The following SGCZ variants were observed in gnomAD, a reference collection of about 807,000 sequenced individuals.
The protein encoded by SGCZ is sarcoglycan zeta, also known as zeta-sarcoglycan.
SGCZ carries 40 observed loss-of-function variants against 41.3 expected under a neutral mutation model. That is an observed-to-expected ratio of 0.97 (90% CI 0.75 to 1.26). SGCZ has a LOEUF of 1.26. Among genes scored for constraint, SGCZ ranks in the 50% most tolerant of loss-of-function variants. The probability of loss-of-function intolerance (pLI) is 0.00; values close to 1 mark genes in which losing one functional copy is unlikely to be tolerated. For synonymous variants in SGCZ, 206 were observed against 137.5 expected (o/e 1.50, Z -3.49); for missense variants, 552 against 369.8 (o/e 1.49, Z -4.04).
intron 4 of SGCZ, among the ~76,000 whole-genome samples, chr8:14,190,171 C>A (rs945856722): frequency 6.6e-6 from 1 of 151,676 alleles, no homozygotes; most frequent in Non-Finnish European, 1.5e-5. Flanking sequence ...CGCCACCACG[C>A]CCGGCTAATT....
At chr8:15,004,997 T>C (rs1802552680) in intron 1 of SGCZ, among the ~76,000 whole-genome samples, 1 of 152,192 alleles carries the variant, frequency 6.6e-6, no homozygotes, top group African/African-American at 2.4e-5. Flanking sequence ...AAATTGATAC[T>C]GATGTATGCA....
rs61034936 is a variant in SGCZ at position 14,500,441 on chromosome 8, C to CT, written c.234+54290dup. On this transcript the variant is annotated intron_variant, in intron 2 of 7. Coordinates refer to ENST00000382080, the MANE Select transcript of SGCZ (RefSeq NM_139167.4). ...AAACAAAAGTTTGTCTTTCCAGTTA[C>CT]TTTTTTTTTTTTACTATTCATTAGA... 6.3e-3 allele frequency among the ~76,000 whole-genome samples: 933 copies of CT among 147,562 alleles called. 7 individuals carry two copies. The highest frequency in any genetic ancestry group is 0.021 in the African/African-American group (842 of 39,958).
intron 2 of SGCZ, among the ~76,000 whole-genome samples, chr8:14,382,839 A>G (rs948342939): frequency 3.9e-5 from 6 of 152,212 alleles, no homozygotes; most frequent in Non-Finnish European, 7.3e-5. Flanking sequence ...GAACAAATTC[A>G]AACCAAACTG....
At chr8:14,699,420 T>C (rs1809066201) in intron 1 of SGCZ, among the ~76,000 whole-genome samples, 1 of 151,678 alleles carries the variant, frequency 6.6e-6, no homozygotes, top group Non-Finnish European at 1.5e-5. Context: ...CCATATGCAG[T>C]AGATTGAAAC....
chr8:14,204,470 G>A (rs1009370400), intron 4 of SGCZ, among the ~76,000 whole-genome samples: 1 of 152,084 alleles, frequency 6.6e-6, no homozygotes, highest in Non-Finnish European at 1.5e-5. Context: ...TTGTTGACCT[G>A]CCTTGAAGCA....
intron 1 of SGCZ, among the ~76,000 whole-genome samples, chr8:14,726,284 G>T (rs999305985): frequency 2.2e-5 from 3 of 133,714 alleles, no homozygotes; most frequent in Non-Finnish European, 4.8e-5. Context: ...AAAATCATAC[G>T]CGTGTGTGTG....
At chr8:15,018,808 T>C (rs951946327) in intron 1 of SGCZ, among the ~76,000 whole-genome samples, 1 of 152,166 alleles carries the variant, frequency 6.6e-6, no homozygotes. Context: ...AAAAGAAGTT[T>C]AATTGGCTCA....
chr8:14,749,619 C>T (rs772603807), intron 1 of SGCZ, among the ~76,000 whole-genome samples: 1 of 151,932 alleles, frequency 6.6e-6, no homozygotes, highest in Non-Finnish European at 1.5e-5. Flanking sequence ...AAGCAAGGCC[C>T]AAATTCAAGT....
chr8:14,281,688 G>A (rs931679087), intron 3 of SGCZ, among the ~76,000 whole-genome samples: 7 of 151,960 alleles, frequency 4.6e-5, no homozygotes, highest in African/African-American at 1.7e-4. Context: ...CATTGCTTCT[G>A]AATTTAAAAC....
chr8:14,745,060 T>C (rs1263779341), intron 1 of SGCZ, among the ~76,000 whole-genome samples: 1 of 152,186 alleles, frequency 6.6e-6, no homozygotes, highest in Non-Finnish European at 1.5e-5. Flanking sequence ...CGTAAATGTA[T>C]TATTTCATCA....
intron 1 of SGCZ, among the ~76,000 whole-genome samples, chr8:15,072,260 C>T (rs906645797): frequency 1.2e-4 from 18 of 152,070 alleles, no homozygotes; most frequent in Admixed American, 3.9e-4. Flanking sequence ...AAAACTCCTT[C>T]ATGCAGAACT....
chr8:14,113,407 G>A (rs751721920), intron 5 of SGCZ, among the ~76,000 whole-genome samples: 6 of 152,060 alleles, frequency 3.9e-5, no homozygotes, highest in Non-Finnish European at 7.4e-5. Flanking sequence ...AATTATAACA[G>A]TTGCTTACGT....
chr8:14,952,154 A>G (rs911571269), intron 1 of SGCZ, among the ~76,000 whole-genome samples: 3 of 152,116 alleles, frequency 2.0e-5, no homozygotes, highest in Non-Finnish European at 4.4e-5. Flanking sequence ...ACACTAAAAT[A>G]TATTTTTTCA....
chr8:14,187,330 A>T (rs1201112839), intron 4 of SGCZ, among the ~76,000 whole-genome samples: 2 of 152,218 alleles, frequency 1.3e-5, no homozygotes, highest in Non-Finnish European at 2.9e-5. Flanking sequence ...ACCCGAGAAA[A>T]GTCTGAACCA....
At chr8:14,247,173 C>T (rs1455565465) in intron 3 of SGCZ, among the ~76,000 whole-genome samples, 1 of 151,916 alleles carries the variant, frequency 6.6e-6, no homozygotes, top group East Asian at 1.9e-4. Context: ...TTGAGAATTT[C>T]CCCATTTGGT....
chr8:14,878,967 G>C (rs530948339), intron 1 of SGCZ: 10 of 152,234 alleles, frequency 6.6e-5, no homozygotes, highest in African/African-American at 2.2e-4. Flanking sequence ...TGGTAGGTTG[G>C]ATTTTGAATT....
At chr8:14,604,838 G>C (rs1805698004) in intron 1 of SGCZ, among the ~76,000 whole-genome samples, 1 of 152,156 alleles carries the variant, frequency 6.6e-6, no homozygotes, top group African/African-American at 2.4e-5. Flanking sequence ...GCGTTATACT[G>C]CCTCCTTATA....
Position 14,102,422 on chromosome 8 carries a change from T to C in SGCZ, c.698A>G (p.Lys233Arg). ...VQVSAAAGDFKATCRKELHLQ... is the reference protein window; with the variant it reads ...VQVSAAAGDFRATCRKELHLQ... ...ATGGAGCTCCTTCCTGCAGGTGGCC[T>C]TGAAGTCTCCTGCAGCAGCACTCAC... Residue 233 changes from lysine to arginine, a missense_variant, in exon 7 of 8, where the codon AAG becomes AGG. Transcript: ENST00000382080. 6.5e-7 allele frequency: 1 copy of C among 1,534,040 alleles called. No homozygotes were observed. The highest frequency in any genetic ancestry group is 8.9e-7 in the Non-Finnish European group (1 of 1,129,430).
At chr8:14,738,904 C>T (rs1037237647) in intron 1 of SGCZ, among the ~76,000 whole-genome samples, 1 of 152,148 alleles carries the variant, frequency 6.6e-6, no homozygotes, top group East Asian at 1.9e-4. Context: ...GAGACTCCCC[C>T]AGGTAGGCTC....
Sources: gnomAD v4.1 joint callset for allele counts (sites outside exome capture counted in the v4.1 genomes callset) on GRCh38, gnomAD v4.1.1 for gene constraint, MANE v1.5 for transcripts, NCBI Gene and HGNC (gene_info 2026-07-23, HGNC 2026-07-21) for gene names.